FAM53A: variants seen among roughly 807,000 people sequenced by gnomAD.
FAM53A encodes family with sequence similarity 53 member A.
In FAM53A, 28 loss-of-function variants were observed where a neutral mutation model predicts 26.6. That is an observed-to-expected ratio of 1.05 (90% CI 0.78 to 1.45). FAM53A has a LOEUF of 1.45. Ranked by LOEUF, FAM53A falls within the 40% of genes most tolerant of loss-of-function variation. The pLI is 0.00. For missense variants in FAM53A, 650 were observed against 575.8 expected, an observed-to-expected ratio of 1.13 and a Z score of -1.32; for synonymous variants, 290 against 253.1, an observed-to-expected ratio of 1.15 and a Z score of -1.38.
At chr4:1,654,841 C>T (rs1328807960) in intron 4 of FAM53A, 137 bp downstream of exon 4, 8 of 1,256,130 alleles carry the variant, frequency 6.4e-6, no homozygotes, top group Non-Finnish European at 8.4e-6. Context: ...GATGGCTCTC[C>T]TCACTCCTTT....
downstream of FAM53A, among the ~76,000 whole-genome samples, chr4:1,638,545 A>G (rs1481854574): frequency 6.6e-6 from 1 of 152,066 alleles, no homozygotes; most frequent in Non-Finnish European, 1.5e-5. Flanking sequence ...CAGGAGAGCC[A>G]GAGGTTTGGG....
At chr4:1,611,300 CCTGG>C in the FAM53A span, among the ~76,000 whole-genome samples, 1 of 152,138 alleles carries the variant, frequency 6.6e-6, no homozygotes, top group Non-Finnish European at 1.5e-5. Flanking sequence ...GAGAGACACC[CCTGG>C]CTGGAGGGGG....
rs757995804 is a variant in FAM53A at position 1,647,337 on chromosome 4, GA to G, written c.883-5731del. Among the ~76,000 whole-genome samples the G allele has an allele frequency of 7.2e-3, 914 of 127,150 alleles. 3 individuals are homozygous for G. The highest frequency in any genetic ancestry group is 0.017 in the African/African-American group (592 of 34,498). 83.4% of individuals were successfully genotyped at this position (127,150 alleles called of 152,430 possible). ...GTGACAGAGCGAGACTCCATCTCGG[GA>G]AAAAAAAAAAAAAAGCAGAAAATCC... On this transcript the variant is annotated intron_variant, in intron 4 of 4. Transcript: ENST00000308132.
intron 1 of FAM53A, among the ~76,000 whole-genome samples, chr4:1,626,346 C>T (rs1294595511): frequency 1.3e-5 from 2 of 152,264 alleles, no homozygotes; most frequent in Non-Finnish European, 2.9e-5. Flanking sequence ...ACAGCAGAAG[C>T]TGACCCAGAC....
the FAM53A span, among the ~76,000 whole-genome samples, chr4:1,579,230 C>G: frequency 2.0e-5 from 3 of 150,226 alleles, no homozygotes; most frequent in African/African-American, 7.4e-5. Flanking sequence ...CATCCCCGCC[C>G]GAGGGTCCCA....
chr4:1,644,113 A>G (rs1712011259), intron 4 of FAM53A: 1 of 1,494,474 alleles, frequency 6.7e-7, no homozygotes, highest in East Asian at 2.5e-5. Flanking sequence ...CGTGCTGCCC[A>G]CACAGGATGG....
chr4:1,656,477 T>C (rs1468254077), intron 3 of FAM53A, among the ~76,000 whole-genome samples: 1 of 151,986 alleles, frequency 6.6e-6, no homozygotes, highest in Non-Finnish European at 1.5e-5. Context: ...TGGGATGACC[T>C]TGGGGTGACT....
chr4:1,586,760 G>A, the FAM53A span, among the ~76,000 whole-genome samples: 1 of 129,090 alleles, frequency 7.7e-6, no homozygotes, highest in Admixed American at 9.9e-5. Context: ...TCCAGCCTGG[G>A]CAACAGAGCG....
chr4:1,662,914 G>A (rs969392416), intron 2 of FAM53A, among the ~76,000 whole-genome samples: 3 of 152,042 alleles, frequency 2.0e-5, no homozygotes, highest in African/African-American at 7.2e-5. Flanking sequence ...AGAAATTAGG[G>A]CCAGGCACAG....
chr4:1,621,024 C>G (rs1026309265), intron 1 of FAM53A, among the ~76,000 whole-genome samples: 1 of 151,472 alleles, frequency 6.6e-6, no homozygotes, highest in African/African-American at 2.4e-5. Flanking sequence ...CCAGCCATCA[C>G]GCCTCAGTTT....
chr4:1,645,617 G>A (rs1404501559), intron 4 of FAM53A, among the ~76,000 whole-genome samples: 8 of 152,204 alleles, frequency 5.3e-5, no homozygotes. Context: ...GATGGCACCG[G>A]CTCCTCATCC....
At chr4:1,576,475 C>T in the FAM53A span, among the ~76,000 whole-genome samples, 3 of 152,234 alleles carry the variant, frequency 2.0e-5, no homozygotes, top group African/African-American at 2.4e-5. Flanking sequence ...TACGGGGCCG[C>T]GCTTGACTAA....
downstream of FAM53A, among the ~76,000 whole-genome samples, chr4:1,639,121 C>T (rs1483652804): frequency 6.6e-6 from 1 of 152,152 alleles, no homozygotes; most frequent in Non-Finnish European, 1.5e-5. Flanking sequence ...GACACCACCA[C>T]CATGCCAGCC....
At chr4:1,678,103 G>A (rs1005768527) in intron 1 of FAM53A, among the ~76,000 whole-genome samples, 1 of 152,076 alleles carries the variant, frequency 6.6e-6, no homozygotes, top group Non-Finnish European at 1.5e-5. Context: ...CAGGCACAGC[G>A]GCTCACAACT....
At chr4:1,606,999 C>T in the FAM53A span, among the ~76,000 whole-genome samples, 3 of 152,214 alleles carry the variant, frequency 2.0e-5, no homozygotes, top group Non-Finnish European at 4.4e-5. Flanking sequence ...GCTTCCACAA[C>T]GCTTGCCACT....
rs74852640 is a variant in FAM53A, at chr4:1,621,848, G to T, written c.432-3737C>A. Among the ~76,000 whole-genome samples the T allele has an allele frequency of 2.2e-3, 333 of 152,332 alleles. 4 individuals carry two copies. The highest frequency in any genetic ancestry group is 7.5e-3 in the African/African-American group (310 of 41,564). On this transcript the variant is annotated intron_variant, in intron 1 of 1. Transcript: ENST00000489029. ...GCGGCCATGGGGCTCCCCACCCACT[G>T]TGGGGTGAATGCGTCCCCCAAGGCT...
chr4:1,587,758 G>A, the FAM53A span, among the ~76,000 whole-genome samples: 12 of 152,250 alleles, frequency 7.9e-5, no homozygotes, highest in Middle Eastern at 6.8e-3. Context: ...ATTTATCAGG[G>A]GGAATCTGTC....
At chr4:1,616,691 G>C (rs191613063), downstream of FAM53A, among the ~76,000 whole-genome samples, 1 of 152,368 alleles carries the variant, frequency 6.6e-6, no homozygotes, top group East Asian at 1.9e-4. Flanking sequence ...GAAGGATGCA[G>C]AAGTAAACCA....
chr4:1,676,445 G>C (rs1418621349), intron 1 of FAM53A, among the ~76,000 whole-genome samples: 3 of 151,752 alleles, frequency 2.0e-5, no homozygotes, highest in African/African-American at 4.8e-5. Context: ...CTGAAGTACT[G>C]GGGGGGGTCA....
Sources: gnomAD v4.1 joint callset for allele counts (sites outside exome capture counted in the v4.1 genomes callset) on GRCh38, gnomAD v4.1.1 for gene constraint, MANE v1.5 for transcripts, NCBI Gene and HGNC (gene_info 2026-07-23, HGNC 2026-07-21) for gene names.